Variants in SRBD1 observed in about 807,000 individuals in gnomAD.
SRBD1 encodes S1 RNA-binding domain-containing protein 1.
In SRBD1, 88 loss-of-function variants were observed where a neutral mutation model predicts 115.3. The observed-to-expected ratio is 0.76, with a 90% confidence interval of 0.64 to 0.91. The LOEUF is 0.91. SRBD1 is among the 40% of genes least tolerant of loss of function. SRBD1 has a pLI of 0.00. For synonymous variants in SRBD1, 509 were observed against 407.7 expected, an observed-to-expected ratio of 1.25 and a Z score of -2.99; for missense variants, 1,385 against 1,177.4, an observed-to-expected ratio of 1.18 and a Z score of -2.58.
intron 16 of SRBD1, among the ~76,000 whole-genome samples, chr2:45,426,470 T>G (rs1053167343): frequency 6.6e-6 from 1 of 152,162 alleles, no homozygotes; most frequent in East Asian, 1.9e-4. Flanking sequence ...AAGAAAGCAG[T>G]GGATCTCCCA....
chr2:45,488,999 C>A (rs980310064), intron 14 of SRBD1, among the ~76,000 whole-genome samples: 4 of 152,082 alleles, frequency 2.6e-5, no homozygotes, highest in African/African-American at 9.7e-5. Flanking sequence ...ATCAAATAGT[C>A]ACACAAATCA....
intron 19 of SRBD1, among the ~76,000 whole-genome samples, chr2:45,411,460 C>A (rs954072056): frequency 4.6e-5 from 7 of 152,064 alleles, no homozygotes; most frequent in African/African-American, 1.7e-4. Context: ...CTGAAAGAAG[C>A]CTTACACAGA....
chr2:45,435,647 T>C (rs1024519469), intron 16 of SRBD1, among the ~76,000 whole-genome samples: 9 of 150,402 alleles, frequency 6.0e-5, no homozygotes, highest in Non-Finnish European at 1.3e-4. Context: ...CTGGGAGACA[T>C]AGGACGTCCT....
At chr2:45,468,628 T>A (rs1182883287) in intron 16 of SRBD1, among the ~76,000 whole-genome samples, 1 of 152,090 alleles carries the variant, frequency 6.6e-6, no homozygotes, top group African/African-American at 2.4e-5. Context: ...GCTCAAGCAA[T>A]CCTCCTACCT....
chr2:45,429,829 T>G (rs958314057), intron 16 of SRBD1, among the ~76,000 whole-genome samples: 19 of 152,134 alleles, frequency 1.2e-4, no homozygotes, highest in African/African-American at 3.9e-4. Context: ...GGTATTCAAA[T>G]AGGAAGAGAG....
At chr2:45,415,718 GGAGAGGAGAGGAGAGGAGAC>G (rs1354515790) in intron 18 of SRBD1, among the ~76,000 whole-genome samples, 41 of 13,894 alleles carry the variant, frequency 3.0e-3, no homozygotes, top group African/African-American at 0.015. Flanking sequence ...GGAGAGGAGA[GGAGAGGAGAGGAGAGGAGAC>G]GAGAGGAGAC....
chr2:45,394,443 G>C (rs1203967098), intron 19 of SRBD1, among the ~76,000 whole-genome samples: 1 of 152,180 alleles, frequency 6.6e-6, no homozygotes, highest in African/African-American at 2.4e-5. Context: ...CAGGCAGATA[G>C]TGATACTAAT....
At chr2:45,535,163 G>GGC (rs1413952078) in intron 14 of SRBD1, among the ~76,000 whole-genome samples, 4 of 151,862 alleles carry the variant, frequency 2.6e-5, no homozygotes, top group Non-Finnish European at 5.9e-5. Flanking sequence ...GGATGTTTGT[G>GGC]GCACACTAGA....
intron 9 of SRBD1, among the ~76,000 whole-genome samples, chr2:45,566,344 G>A (rs1321815649): frequency 1.3e-5 from 2 of 152,138 alleles, no homozygotes; most frequent in African/African-American, 4.8e-5. Context: ...GTAAAATGTG[G>A]AGAATCCATA....
chr2:45,602,095 T>C lies in SRBD1; in HGVS notation c.81-12A>G, dbSNP rs1674112522. On this transcript the variant is annotated splice_polypyrimidine_tract_variant and intron_variant, in intron 2 of 20. Coordinates refer to ENST00000263736, the MANE Select transcript of SRBD1 (RefSeq NM_018079.5). Reference sequence around the variant, plus strand: ...CAGAGGCAGATGATCTAGAAGTAAATCAACAGAATAATCTCCAGGAAAAAT... The same window carrying C: ...CAGAGGCAGATGATCTAGAAGTAAACCAACAGAATAATCTCCAGGAAAAAT... 6.2e-7 allele frequency: 1 copy of C among 1,600,264 alleles called. No homozygotes were observed. Among genetic ancestry groups the C allele is most frequent in the Non-Finnish European group, 8.5e-7 (1 of 1,173,742 alleles).
At chr2:45,546,274 G>C (rs1397750853) in intron 14 of SRBD1, 3 of 985,266 alleles carry the variant, frequency 3.0e-6, no homozygotes, top group Non-Finnish European at 2.4e-6. Context: ...AGGGATAAAT[G>C]AGGAAAGAAT....
At chr2:45,412,823 T>G (rs1667642318) in intron 19 of SRBD1, among the ~76,000 whole-genome samples, 3 of 152,226 alleles carry the variant, frequency 2.0e-5, no homozygotes, top group Admixed American at 2.0e-4. Flanking sequence ...TAGTCAATTG[T>G]GTCTTGTTAA....
intron 16 of SRBD1, among the ~76,000 whole-genome samples, chr2:45,428,511 A>T (rs1032647597): frequency 1.3e-5 from 2 of 152,098 alleles, no homozygotes; most frequent in Non-Finnish European, 1.5e-5. Flanking sequence ...AGACTGCGCC[A>T]CTGCACCTCC....
rs1666928794 is a variant in SRBD1, at chr2:45,389,212, T to C, written c.*98A>G. ...AATATTTCTGATATTAAGTGAATTA[T>C]TTCTCATCTGCTACCTAGAGTTTAC... On this transcript the variant is annotated 3_prime_UTR_variant, in exon 21 of 21. Coordinates refer to ENST00000263736, the MANE Select transcript of SRBD1 (RefSeq NM_018079.5). The C allele has an allele frequency of 7.4e-7, 1 of 1,356,154 alleles. No homozygotes were observed. Among genetic ancestry groups the C allele is most frequent in the South Asian group, 1.5e-5 (1 of 67,486 alleles). The allele number at this position is 1,356,154 out of a possible 1,614,324, so 84.0% of individuals were successfully genotyped here.
intron 16 of SRBD1, among the ~76,000 whole-genome samples, chr2:45,453,495 C>T (rs534729671): frequency 6.5e-4 from 99 of 151,774 alleles, no homozygotes; most frequent in Non-Finnish European, 1.2e-3. Flanking sequence ...AAACAAATTA[C>T]ATTACTTTTA....
At chr2:45,449,324 G>A (rs1387734165) in intron 16 of SRBD1, among the ~76,000 whole-genome samples, 3 of 152,166 alleles carry the variant, frequency 2.0e-5, no homozygotes, top group African/African-American at 4.8e-5. Flanking sequence ...GAAGGACAGA[G>A]GAATGCCCTT....
intron 16 of SRBD1, among the ~76,000 whole-genome samples, chr2:45,428,352 C>G (rs1480553353): frequency 6.6e-6 from 1 of 152,028 alleles, no homozygotes; most frequent in Non-Finnish European, 1.5e-5. Flanking sequence ...AGATCCAGAC[C>G]ACCCTGGCTA....
chr2:45,414,703 G>A (rs1205120685), intron 18 of SRBD1, among the ~76,000 whole-genome samples: 5 of 145,626 alleles, frequency 3.4e-5, no homozygotes, highest in Non-Finnish European at 6.0e-5. Context: ...CACATAGTGT[G>A]TATATAGTAT....
rs148587035 is a variant in SRBD1 at position 45,444,092 on chromosome 2, T to C, written c.2050-24198A>G. The stretch of plus-strand genomic sequence containing the variant: ...CTACATAAGAAAATCCATTTTACAG[T>C]ACTAACACCAGAACATATTAATATT... On this transcript the variant is annotated intron_variant, in intron 16 of 20. Transcript: ENST00000263736. Among the ~76,000 whole-genome samples, 554 of 152,250 alleles carry C rather than the reference T, an allele frequency of 3.6e-3. 6 individuals are homozygous for C. Among genetic ancestry groups the C allele is most frequent in the African/African-American group, 0.012 (511 of 41,548 alleles).
Sources: allele counts gnomAD v4.1 joint callset (sites outside exome capture counted in the v4.1 genomes callset), GRCh38; gene constraint gnomAD v4.1.1; transcripts MANE v1.5; gene names NCBI Gene and HGNC (gene_info 2026-07-23, HGNC 2026-07-21).